CALN1: variants seen among roughly 807,000 people sequenced by gnomAD.
CALN1 encodes calneuron 1.
A neutral mutation model predicts 30.6 loss-of-function variants in CALN1; 17 were observed. The observed-to-expected ratio is 0.56, with a 90% confidence interval of 0.38 to 0.83. CALN1 has a LOEUF of 0.83. Among genes scored for constraint, CALN1 ranks in the 40% least tolerant of loss-of-function variants. The pLI, the probability that CALN1 is intolerant of heterozygous loss-of-function variation, is 0.00. For missense variants in CALN1, 291 were observed against 354.9 expected (o/e 0.82, Z 1.45); for synonymous variants, 156 against 131.4 (o/e 1.19, Z -1.28).
At chr7:72,156,606 G>A (rs552969740) in intron 3 of CALN1, among the ~76,000 whole-genome samples, 15 of 152,290 alleles carry the variant, frequency 9.8e-5, no homozygotes, top group Admixed American at 2.6e-4. Context: ...TGTCACCACC[G>A]TAGCGACCTA....
At chr7:72,285,672 G>A (rs1798038390) in intron 2 of CALN1, among the ~76,000 whole-genome samples, 2 of 152,132 alleles carry the variant, frequency 1.3e-5, no homozygotes, top group African/African-American at 4.8e-5. Context: ...ATAGATTTCT[G>A]GTAATGAACC....
intron 2 of CALN1, among the ~76,000 whole-genome samples, chr7:72,297,757 T>A (rs1798967024): frequency 6.6e-6 from 1 of 152,252 alleles, no homozygotes; most frequent in African/African-American, 2.4e-5. Context: ...TACGAAGTCA[T>A]AATATTCATT....
intron 2 of CALN1, among the ~76,000 whole-genome samples, chr7:72,345,413 G>GAGAA (rs10681683): frequency 0.99 from 142,335 of 144,042 alleles, 70,341 homozygotes; most frequent in Middle Eastern, 1. Context: ...AAAGAAAGAA[G>GAGAA]AGAAAGGAAA....
chr7:72,221,202 G>A (rs371152641), intron 3 of CALN1, among the ~76,000 whole-genome samples: 24 of 152,056 alleles, frequency 1.6e-4, no homozygotes, highest in African/African-American at 4.3e-4. Flanking sequence ...GTTAGTAGGA[G>A]TGGAAACAGA....
intron 5 of CALN1, among the ~76,000 whole-genome samples, chr7:71,978,265 T>A (rs1444345422): frequency 1.8e-5 from 2 of 109,832 alleles, no homozygotes; most frequent in Admixed American, 8.4e-5. Context: ...GAGAATTCTT[T>A]TTTTTTTTTT....
chr7:72,478,830 A>G, the CALN1 span, among the ~76,000 whole-genome samples: 2 of 151,864 alleles, frequency 1.3e-5, no homozygotes, highest in African/African-American at 2.4e-5. Flanking sequence ...GTGTCCCTAA[A>G]AACTAAGGTA....
At chr7:72,046,944 G>C (rs1416520075) in intron 4 of CALN1, among the ~76,000 whole-genome samples, 1 of 152,064 alleles carries the variant, frequency 6.6e-6, no homozygotes, top group Middle Eastern at 3.4e-3. Flanking sequence ...CGTGCCTATA[G>C]TCACAGGTAC....
At chr7:72,333,544 A>G (rs1801813020) in intron 2 of CALN1, among the ~76,000 whole-genome samples, 1 of 152,160 alleles carries the variant, frequency 6.6e-6, no homozygotes, top group African/African-American at 2.4e-5. Flanking sequence ...GTCAGAACTC[A>G]CACTGTTTTA....
At chr7:71,814,867 T>G (rs1256190588) in intron 5 of CALN1, among the ~76,000 whole-genome samples, 3 of 150,952 alleles carry the variant, frequency 2.0e-5, no homozygotes, top group Non-Finnish European at 4.4e-5. Flanking sequence ...AAAGTCTCGC[T>G]CTGTCCCCCA....
chr7:72,408,254 G>A (rs953497846), intron 1 of CALN1, among the ~76,000 whole-genome samples: 30 of 142,356 alleles, frequency 2.1e-4, no homozygotes, highest in Non-Finnish European at 1.1e-4. Context: ...CCAACATGGT[G>A]AAACCCCATC....
chr7:72,014,153 C>A (rs1444858944), intron 5 of CALN1, among the ~76,000 whole-genome samples: 1 of 141,636 alleles, frequency 7.1e-6, no homozygotes, highest in Non-Finnish European at 1.5e-5. Flanking sequence ...GTGGCTTGGT[C>A]TCAGCTCACT....
chr7:71,875,376 C>G (rs111674465), intron 5 of CALN1, among the ~76,000 whole-genome samples: 53 of 152,220 alleles, frequency 3.5e-4, no homozygotes, highest in Middle Eastern at 3.4e-3. Flanking sequence ...GATTTCTAGG[C>G]AGGAACTGCA....
At chr7:72,215,733 AT>A (rs1448912150) in intron 3 of CALN1, among the ~76,000 whole-genome samples, 2 of 152,232 alleles carry the variant, frequency 1.3e-5, no homozygotes, top group Non-Finnish European at 2.9e-5. Flanking sequence ...GCAGCTGTGG[AT>A]GGACCCAGCT....
At chr7:72,202,936 CA>C (rs1025985294) in intron 3 of CALN1, among the ~76,000 whole-genome samples, 3 of 152,164 alleles carry the variant, frequency 2.0e-5, no homozygotes, top group African/African-American at 7.2e-5. Flanking sequence ...GGAACCAACC[CA>C]AATGCCCATC....
chr7:71,923,027 TCTATACTATA>T (rs112246797), intron 5 of CALN1, among the ~76,000 whole-genome samples: 4 of 149,618 alleles, frequency 2.7e-5, no homozygotes, highest in Non-Finnish European at 1.5e-5. Flanking sequence ...ACTATACTAT[TCTATACTATA>T]CTATACTATA....
intron 5 of CALN1, among the ~76,000 whole-genome samples, chr7:71,855,594 T>C (rs1401326928): frequency 1.3e-5 from 2 of 152,094 alleles, no homozygotes; most frequent in Non-Finnish European, 2.9e-5. Context: ...AGAAGCTGTT[T>C]TGGAGGTTCC....
intron 4 of CALN1, among the ~76,000 whole-genome samples, chr7:72,056,331 A>G (rs1449905711): frequency 6.6e-6 from 1 of 152,130 alleles, no homozygotes; most frequent in East Asian, 1.9e-4. Context: ...TAAAACCACA[A>G]TAAAAAAGTA....
At chr7:71,968,041 T>C (rs1340342060) in intron 5 of CALN1, among the ~76,000 whole-genome samples, 2 of 152,194 alleles carry the variant, frequency 1.3e-5, no homozygotes, top group African/African-American at 4.8e-5. Flanking sequence ...AGGTATTTAC[T>C]TGAGAGAAAT....
intron 5 of CALN1, among the ~76,000 whole-genome samples, chr7:72,006,574 AT>A (rs5884869): frequency 0.15 from 22,630 of 151,884 alleles, 2,627 homozygotes; most frequent in East Asian, 0.37. Flanking sequence ...AAAAAAGTAG[AT>A]TTTTTTTAAA....
Sources: gnomAD v4.1 joint callset for allele counts (sites outside exome capture counted in the v4.1 genomes callset) on GRCh38, gnomAD v4.1.1 for gene constraint, MANE v1.5 for transcripts, NCBI Gene and HGNC (gene_info 2026-07-23, HGNC 2026-07-21) for gene names.